Variants in TOGARAM2 observed in about 807,000 individuals in gnomAD.
The protein encoded by TOGARAM2 is TOG array regulator of axonemal microtubules 2.
Under a neutral mutation model 93.3 loss-of-function variants are expected in TOGARAM2, and 85 were observed. The observed-to-expected ratio is 0.91, with a 90% CI of 0.76 to 1.09. The LOEUF is 1.09. TOGARAM2 is among the 50% of genes least tolerant of loss of function. The probability of loss-of-function intolerance (pLI) is 0.00; values close to 1 mark genes in which losing one functional copy is unlikely to be tolerated. For missense variants in TOGARAM2, 1,277 were observed against 1,334.5 expected (o/e 0.96, Z 0.67); for synonymous variants, 593 against 552.8 (o/e 1.07, Z -1.02).
intron 19 of TOGARAM2, chr2:29,051,501 A>G (rs1160048754): frequency 3.0e-6 from 1 of 338,796 alleles, no homozygotes; most frequent in East Asian, 4.8e-5. Context: ...CTCCATAAAA[A>G]ATATTTAAAA....
Position 28,984,019 on chromosome 2 carries a change from T to A in TOGARAM2, c.-111+2481T>A, listed in dbSNP as rs111517394. Among the ~76,000 whole-genome samples the A allele has an allele frequency of 4.7e-3, 714 of 151,970 alleles. 7 individuals are homozygous for A. The highest frequency in any genetic ancestry group is 0.016 in the African/African-American group (676 of 41,406). ...TGGTGCTCAGGCTTTTGAGCCCCAT[T>A]TTTCTCTCTGCCCTCCCCACTCCTC... On this transcript the variant is annotated intron_variant, in intron 1 of 19. Coordinates refer to ENST00000379558, the MANE Select transcript of TOGARAM2 (RefSeq NM_199280.4).
Position 29,036,657 on chromosome 2 carries a change from G to C in TOGARAM2, c.2535G>C (p.Leu845=). ...PLLRESLHPM[L]LSIIITVADN... is the part of the protein sequence containing the mutation. ...TCAGAGAGAGCTTACACCCCATGCT[G>C]CTCTCCATCATCATCACTGTTGCAG... Residue 845 remains leucine, a synonymous_variant, in exon 18 of 20, where the codon CTG becomes CTC. Transcript: ENST00000379558. 1 of 1,614,002 alleles carries C rather than the reference G, an allele frequency of 6.2e-7. No homozygotes were observed. Among genetic ancestry groups the C allele is most frequent in the Non-Finnish European group, 8.5e-7 (1 of 1,179,888 alleles).
intron 1 of TOGARAM2, among the ~76,000 whole-genome samples, chr2:28,958,621 T>C (rs1671758370): frequency 6.6e-6 from 1 of 152,152 alleles, no homozygotes; most frequent in Admixed American, 6.5e-5. Context: ...TTTTTGGATT[T>C]TGGAGTGCAC....
At position 29,025,076 on chromosome 2, in the gene TOGARAM2, C is replaced by A. The variant is rs887742391; in HGVS notation, c.1853+702C>A. Among the ~76,000 whole-genome samples the A allele has an allele frequency of 1.4e-4, 21 of 152,274 alleles. No homozygotes were observed. In the East Asian group the frequency reaches 3.7e-3, roughly 27 times the overall value. ...CCATAAGTGGATCATTACACTGATG[C>A]GTGAGGTTTCTCAGTAGCCCCAGGG... On this transcript the variant is annotated intron_variant, in intron 13 of 19. Coordinates refer to ENST00000379558, the MANE Select transcript of TOGARAM2 (RefSeq NM_199280.4).
chr2:28,992,877 T>C (rs1473928500), intron 1 of TOGARAM2, among the ~76,000 whole-genome samples: 1 of 152,092 alleles, frequency 6.6e-6, no homozygotes. Flanking sequence ...CTCGCCAACA[T>C]GGTGAAACCC....
intron 6 of TOGARAM2, among the ~76,000 whole-genome samples, chr2:29,010,634 TG>T (rs757343596): frequency 2.6e-5 from 4 of 152,000 alleles, no homozygotes; most frequent in Non-Finnish European, 5.9e-5. Context: ...CTTGTTACTC[TG>T]TCAGCCCCCC....
At chr2:28,975,745 T>A (rs1672017775) in intron 1 of TOGARAM2, among the ~76,000 whole-genome samples, 1 of 152,116 alleles carries the variant, frequency 6.6e-6, no homozygotes, top group Non-Finnish European at 1.5e-5. Context: ...TTCTGTCTTC[T>A]TTTTTTGCAG....
In TOGARAM2 at chr2:28,994,944, A is replaced by C. The variant is rs1308649122; in HGVS notation, c.28+82A>C. On this transcript the variant is annotated intron_variant, in intron 2 of 19. Coordinates refer to ENST00000379558, the MANE Select transcript of TOGARAM2 (RefSeq NM_199280.4). The stretch of plus-strand genomic sequence containing the variant: ...TCGGACACTCCCAAGGGCCAGAAAA[A>C]GGGAGATGTGGGGATAAAGGGCTGC... 5.4e-5 allele frequency: 81 copies of C among 1,497,656 alleles called. No individual in the cohort carries two copies. The East Asian group carries it at 2.0e-3, about 37-fold the overall frequency. 92.8% of individuals were successfully genotyped at this position (1,497,656 alleles called of 1,614,324 possible). A position where few individuals can be genotyped will look rare whatever the true frequency, so the allele number is the denominator to read the frequency against.
intron 6 of TOGARAM2, among the ~76,000 whole-genome samples, chr2:29,005,470 TG>T (rs891508160): frequency 8.5e-5 from 4 of 47,028 alleles, no homozygotes; most frequent in African/African-American, 2.4e-4. Flanking sequence ...TGTGACTGCA[TG>T]TGTGTGCATG....
At chr2:29,012,179 G>A (rs1335092681) in intron 7 of TOGARAM2, among the ~76,000 whole-genome samples, 1 of 152,210 alleles carries the variant, frequency 6.6e-6, no homozygotes. Context: ...CTCTGCTGCA[G>A]GGTTGGGGAG....
At chr2:28,996,799 CAAAAAA>C (rs1170607481) in intron 2 of TOGARAM2, among the ~76,000 whole-genome samples, 5 of 40,714 alleles carry the variant, frequency 1.2e-4, no homozygotes, top group East Asian at 1.9e-3. Flanking sequence ...GACTCCATCT[CAAAAAA>C]AAAAAAAAAA....
At chr2:29,036,996 C>T (rs1666153476) in intron 18 of TOGARAM2, among the ~76,000 whole-genome samples, 1 of 152,176 alleles carries the variant, frequency 6.6e-6, no homozygotes, top group South Asian at 2.1e-4. Context: ...TGATCCAGTC[C>T]AGCCTCCTCA....
In TOGARAM2 at chr2:29,027,015, G is replaced by A. The variant is rs367621658; in HGVS notation, c.2012+4G>A. 2.6e-5 allele frequency: 41 copies of A among 1,554,478 alleles called. No homozygotes were observed. The highest frequency in any genetic ancestry group is 3.5e-5 in the Non-Finnish European group (40 of 1,148,172). On this transcript the variant is annotated splice_donor_region_variant and intron_variant, in intron 14 of 19. Transcript: ENST00000379558. ...AGGACTCCAACCAGGACACCAGGTA[G>A]GGCAGGGCCAGGGGCCTGGGGGCAG...
chr2:29,017,676 G>A lies in TOGARAM2; in HGVS notation c.1196-116G>A, dbSNP rs1664668964. On this transcript the variant is annotated intron_variant, in intron 9 of 19. Coordinates refer to ENST00000379558, the MANE Select transcript of TOGARAM2 (RefSeq NM_199280.4). Reference sequence around the variant, plus strand: ...TCCTCCTACCTCGGACTCCCAACATGTTGGGGGTACTGGCATGAGCTACTT... The same window carrying A: ...TCCTCCTACCTCGGACTCCCAACATATTGGGGGTACTGGCATGAGCTACTT... The A allele has an allele frequency of 3.8e-6, 4 of 1,053,652 alleles. No homozygotes were observed. The South Asian group carries it at 7.5e-5, about 20-fold the overall frequency. 65.3% of individuals were successfully genotyped at this position (1,053,652 alleles called of 1,614,324 possible).
chr2:28,988,849 A>C (rs1672583441), intron 1 of TOGARAM2, among the ~76,000 whole-genome samples: 1 of 152,112 alleles, frequency 6.6e-6, no homozygotes, highest in Non-Finnish European at 1.5e-5. Flanking sequence ...CGATGATTCC[A>C]TAATGGTCAC....
intron 1 of TOGARAM2, among the ~76,000 whole-genome samples, chr2:28,992,683 G>T (rs1397674142): frequency 4.6e-5 from 7 of 152,116 alleles, no homozygotes; most frequent in African/African-American, 1.7e-4. Flanking sequence ...GACAGCCTAG[G>T]GTAAGAAATA....
At chr2:28,985,768 A>C (rs747473091) in intron 1 of TOGARAM2, among the ~76,000 whole-genome samples, 6 of 152,226 alleles carry the variant, frequency 3.9e-5, no homozygotes, top group Non-Finnish European at 7.3e-5. Flanking sequence ...ACTGAAATGA[A>C]TGTACAAATA....
intron 10 of TOGARAM2, among the ~76,000 whole-genome samples, chr2:29,020,001 A>C (rs1664834042): frequency 6.6e-6 from 1 of 152,234 alleles, no homozygotes; most frequent in South Asian, 2.1e-4. Context: ...GCTGCTGCTC[A>C]TTCTTCTGGT....
chr2:29,019,695 T>C (rs977617651), intron 10 of TOGARAM2, among the ~76,000 whole-genome samples: 1 of 152,170 alleles, frequency 6.6e-6, no homozygotes, highest in African/African-American at 2.4e-5. Flanking sequence ...GGTTATGTTG[T>C]TGGAGTTAGG....
Sources: allele counts gnomAD v4.1 joint callset (sites outside exome capture counted in the v4.1 genomes callset), GRCh38; gene constraint gnomAD v4.1.1; transcripts MANE v1.5; gene names NCBI Gene and HGNC (gene_info 2026-07-23, HGNC 2026-07-21).